LPAR6: variants seen among roughly 807,000 people sequenced by gnomAD.
The protein encoded by LPAR6 is G-protein coupled purinergic receptor P2Y5.
LPAR6 carries 17 observed loss-of-function variants against 22.0 expected under a neutral mutation model. That is an observed-to-expected ratio of 0.77 (90% CI 0.53 to 1.16). LPAR6 has a LOEUF of 1.16. Ranked by LOEUF, LPAR6 falls within the 50% of genes most tolerant of loss-of-function variation. The pLI is 0.00. For synonymous variants in LPAR6, 136 were observed against 139.8 expected (o/e 0.97, Z 0.19); for missense variants, 384 against 406.9 (o/e 0.94, Z 0.48).
intron 1 of LPAR6, among the ~76,000 whole-genome samples, chr13:48,396,695 T>G (rs1342525204): frequency 6.6e-6 from 1 of 152,128 alleles, no homozygotes; most frequent in Non-Finnish European, 1.5e-5. Flanking sequence ...GAAACTATCT[T>G]CAGAGTGAAC....
intron 1 of LPAR6, among the ~76,000 whole-genome samples, chr13:48,401,064 T>C (rs1277267292): frequency 1.3e-5 from 2 of 152,160 alleles, no homozygotes; most frequent in East Asian, 1.9e-4. Flanking sequence ...GAATTTGTTA[T>C]GTTGCTTTAG....
At chr13:48,434,493 T>TC (rs1314833490) in intron 1 of LPAR6, among the ~76,000 whole-genome samples, 1 of 152,010 alleles carries the variant, frequency 6.6e-6, no homozygotes, top group East Asian at 1.9e-4. Flanking sequence ...ATTAGGAAGC[T>TC]CCAGGCAAGC....
At position 48,423,498 on chromosome 13, in the gene LPAR6, C is replaced by A. The variant is rs73492989; in HGVS notation, c.-1094-708G>T. On this transcript the variant is annotated intron_variant, in intron 1 of 4. Transcript: ENST00000345941. ...ATTAAATATTCTGTAAAAGGCTTCC[C>A]TTTATGTTTCAATAGCATTCTTCTT... Among the ~76,000 whole-genome samples the A allele has an allele frequency of 3.1e-3, 468 of 152,218 alleles. 1 individual carries two copies. Among genetic ancestry groups the A allele is most frequent in the African/African-American group, 0.011 (440 of 41,534 alleles).
intron 1 of LPAR6, chr13:48,444,406 A>G (rs988285792): frequency 2.6e-5 from 4 of 152,080 alleles, no homozygotes; most frequent in African/African-American, 9.7e-5. Context: ...AGTCCCAGCT[A>G]CTCCAGAGGC....
At chr13:48,414,629 A>T (rs1042512672), upstream of LPAR6, among the ~76,000 whole-genome samples, 4 of 151,526 alleles carry the variant, frequency 2.6e-5, no homozygotes, top group Admixed American at 6.6e-5. Flanking sequence ...TTTTCTCATA[A>T]ATTACTTAGC....
At chr13:48,431,655 C>T (rs1006479603), upstream of LPAR6, among the ~76,000 whole-genome samples, 13 of 152,062 alleles carry the variant, frequency 8.5e-5, no homozygotes, top group African/African-American at 2.9e-4. Flanking sequence ...CTAGAAGATA[C>T]GAGCACTACT....
chr13:48,409,345 C>T (rs1948769445), downstream of LPAR6, among the ~76,000 whole-genome samples: 1 of 151,626 alleles, frequency 6.6e-6, no homozygotes, highest in African/African-American at 2.4e-5. Flanking sequence ...AATGGGTTTA[C>T]CTGTCTAGCA....
chr13:48,392,226 T>C (rs556975957), intron 1 of LPAR6, among the ~76,000 whole-genome samples: 2 of 152,270 alleles, frequency 1.3e-5, no homozygotes, highest in South Asian at 4.2e-4. Flanking sequence ...TTCTTCTGCC[T>C]CAGCCTCCTG....
At chr13:48,396,542 C>CCCTAGAAGAAAA in intron 1 of LPAR6, among the ~76,000 whole-genome samples, 1 of 152,236 alleles carries the variant, frequency 6.6e-6, no homozygotes, top group Middle Eastern at 3.4e-3. Flanking sequence ...ACCATAAAAA[C>CCCTAGAAGAAAA]CCTAGAAGAA....
chr13:48,412,186 G>A lies in LPAR6; in HGVS notation c.238C>T (p.Arg80Trp), dbSNP rs764752878. 19 of 1,613,792 alleles carry A rather than the reference G, an allele frequency of 1.2e-5. No homozygotes were observed. In the African/African-American group the frequency reaches 1.2e-4, roughly 10 times the overall value. ...AGTAAATCTCCAAATGGCCAATTCC[G>A]TGTTGTGAAGTAAAAAATCCTGAAG... is the stretch of plus-strand genomic sequence containing the variant. Reference protein sequence around the residue: ...LPFRIFYFTTRNWPFGDLLCK... With the variant: ...LPFRIFYFTTWNWPFGDLLCK... Residue 80 changes from arginine (R) to tryptophan (W), a missense_variant, in exon 1 of 1, where the codon CGG becomes TGG. Physicochemically the swap from Arg to Trp is moderately radical, Grantham distance 101. Coordinates refer to ENST00000620633, the MANE Select transcript of LPAR6 (RefSeq NM_001162498.3).
intron 2 of LPAR6, among the ~76,000 whole-genome samples, chr13:48,418,334 G>C (rs914715732): frequency 6.6e-6 from 1 of 152,130 alleles, no homozygotes; most frequent in Admixed American, 6.5e-5. Context: ...CAAATGTTGA[G>C]AGATTTTGTC....
At chr13:48,393,735 G>A (rs1468498146) in intron 1 of LPAR6, among the ~76,000 whole-genome samples, 7 of 152,114 alleles carry the variant, frequency 4.6e-5, no homozygotes, top group Non-Finnish European at 1.5e-5. Flanking sequence ...CTTACTATAT[G>A]GAGAACATAG....
At chr13:48,408,775 CAA>C (rs1434653138), downstream of LPAR6, 1 of 152,116 alleles carries the variant, frequency 6.6e-6, no homozygotes, top group Non-Finnish European at 1.5e-5. Context: ...TTCCTGTTGA[CAA>C]GAGACACCAA....
chr13:48,429,456 C>T (rs1949108192), upstream of LPAR6: 1 of 152,182 alleles, frequency 6.6e-6, no homozygotes, highest in Non-Finnish European at 1.5e-5. Flanking sequence ...CGAACCCACC[C>T]AGGTCGGAAA....
At chr13:48,425,652 A>G (rs777154270) in intron 1 of LPAR6, among the ~76,000 whole-genome samples, 2 of 152,120 alleles carry the variant, frequency 1.3e-5, no homozygotes, top group Non-Finnish European at 2.9e-5. Flanking sequence ...CAGGAATTCC[A>G]GTTTAGCCTG....
intron 1 of LPAR6, among the ~76,000 whole-genome samples, chr13:48,432,922 T>C (rs1949145115): frequency 6.6e-6 from 1 of 152,182 alleles, no homozygotes; most frequent in East Asian, 1.9e-4. Flanking sequence ...CCAGATTTAA[T>C]TTCAGTCTTT....
chr13:48,408,302 C>G (rs2138191399), downstream of LPAR6, among the ~76,000 whole-genome samples: 1 of 151,740 alleles, frequency 6.6e-6, no homozygotes, highest in Admixed American at 6.6e-5. Flanking sequence ...TTAAAATAAA[C>G]TAGGTACTTG....
chr13:48,408,611 A>G (rs572923557), downstream of LPAR6: 1 of 152,140 alleles, frequency 6.6e-6, no homozygotes, highest in African/African-American at 2.4e-5. Context: ...AACCCTCAGA[A>G]TATATGACTT....
chr13:48,418,557 G>T (rs954468008), intron 2 of LPAR6, among the ~76,000 whole-genome samples: 3 of 152,000 alleles, frequency 2.0e-5, no homozygotes, highest in Non-Finnish European at 4.4e-5. Context: ...AAAAGTAAAC[G>T]GGCTAAGTGC....
Sources: allele counts gnomAD v4.1 joint callset (sites outside exome capture counted in the v4.1 genomes callset), GRCh38; gene constraint gnomAD v4.1.1; transcripts MANE v1.5; gene names NCBI Gene and HGNC (gene_info 2026-07-23, HGNC 2026-07-21).